Variants in NBR1 observed in about 807,000 individuals in gnomAD.
The protein encoded by NBR1 is NBR1 autophagy cargo receptor.
A neutral mutation model predicts 115.5 loss-of-function variants in NBR1; 59 were observed. The observed-to-expected ratio is 0.51, with a 90% CI of 0.41 to 0.63. The LOEUF is 0.63. Ranked by LOEUF, NBR1 falls within the 30% of genes least tolerant of loss-of-function variation. NBR1 has a pLI of 0.00. For missense variants in NBR1, 1,043 were observed against 1,150.5 expected (o/e 0.91, Z 1.35); for synonymous variants, 373 against 414.7 (o/e 0.90, Z 1.22).
chr17:43,199,136 C>G (rs1472518497), intron 16 of NBR1, among the ~76,000 whole-genome samples: 3 of 150,122 alleles, frequency 2.0e-5, no homozygotes, highest in African/African-American at 7.4e-5. Flanking sequence ...GGCTAAAGTG[C>G]GAGTAGCAAG....
chr17:43,191,623 G>A (rs2056949024), intron 10 of NBR1, 42 bp downstream of exon 10: 2 of 1,409,526 alleles, frequency 1.4e-6, no homozygotes, highest in Admixed American at 4.6e-5. Context: ...TTTAGGCCCA[G>A]CTCTCTGAAA....
At chr17:43,196,730 T>G (rs1328165388) in intron 15 of NBR1, 139 bp downstream of exon 15, 1 of 852,446 alleles carries the variant, frequency 1.2e-6, no homozygotes, top group African/African-American at 1.7e-5. Flanking sequence ...TGAAGTCTCC[T>G]CACCTTCACA....
At chr17:43,185,132 A>G (rs2056770431) in intron 5 of NBR1, among the ~76,000 whole-genome samples, 2 of 151,836 alleles carry the variant, frequency 1.3e-5, no homozygotes, top group African/African-American at 4.8e-5. Flanking sequence ...AACCCAGTTA[A>G]GGAGAATCTT....
intron 16 of NBR1, among the ~76,000 whole-genome samples, chr17:43,198,950 G>A (rs2057131161): frequency 6.6e-6 from 1 of 152,106 alleles, no homozygotes; most frequent in Admixed American, 6.6e-5. Flanking sequence ...GCAACAGAGT[G>A]AGACTCCATC....
chr17:43,198,856 G>T (rs370548636), intron 16 of NBR1, among the ~76,000 whole-genome samples: 1 of 151,104 alleles, frequency 6.6e-6, no homozygotes. Flanking sequence ...CCAGCTACTC[G>T]GGAGGCTGAG....
At chr17:43,190,325 G>C (rs560668687) in intron 8 of NBR1, 2 of 411,238 alleles carry the variant, frequency 4.9e-6, no homozygotes, top group Non-Finnish European at 9.1e-6. Context: ...CTTCTCCATG[G>C]CCTCCCAAAG....
intron 8 of NBR1, 188 bp downstream of exon 8, chr17:43,189,990 G>A: frequency 1.7e-6 from 1 of 597,542 alleles, no homozygotes; most frequent in Non-Finnish European, 2.9e-6. Context: ...TCAGATTGTT[G>A]TGTTCAAATG....
Position 43,193,635 on chromosome 17 carries a change from A to G in NBR1, c.1521A>G (p.Gln507=). The change falls in exon 12 of 21, where the codon CAA becomes CAG. Residue 507 remains glutamine (Q), a synonymous_variant. Transcript: ENST00000590996. ...AAACTGATGATCTCACCTGCCAGCA[A>G]GAGGTGAGCATTGACTGACAGGCTT... ...SSKTDDLTCQ[Q]EETFLLAKEE... is the part of the protein sequence containing the mutation. 3.1e-6 allele frequency: 5 copies of G among 1,605,958 alleles called. No individual in the cohort carries two copies. The highest frequency in any genetic ancestry group is 3.4e-6 in the Non-Finnish European group (4 of 1,175,872).
At chr17:43,174,551 T>C (rs1241371784) in intron 1 of NBR1, among the ~76,000 whole-genome samples, 2 of 152,068 alleles carry the variant, frequency 1.3e-5, no homozygotes, top group Non-Finnish European at 1.5e-5. Flanking sequence ...TGAGCCAAGA[T>C]TGTGCCACTG....
At chr17:43,196,456 T>C (rs760539342) in intron 14 of NBR1, 25 bp from the exon 15 acceptor site, 4 of 1,373,500 alleles carry the variant, frequency 2.9e-6, no homozygotes, top group Non-Finnish European at 4.0e-6. Context: ...TCTTGATTGA[T>C]GGTTCTCCTG....
intron 9 of NBR1, 135 bp from the exon 10 acceptor site, chr17:43,191,235 CAG>C: frequency 4.5e-6 from 3 of 663,846 alleles, no homozygotes; most frequent in Non-Finnish European, 7.9e-6. Context: ...GCCTACATGA[CAG>C]AGTGAGACCC....
At chr17:43,204,011 C>T (rs2057262378) in intron 20 of NBR1, among the ~76,000 whole-genome samples, 1 of 150,664 alleles carries the variant, frequency 6.6e-6, no homozygotes, top group African/African-American at 2.4e-5. Context: ...GATCTCGGCT[C>T]ACTGCAAGCT....
chr17:43,209,656 A>G, intron 20 of NBR1: 1 of 1,535,502 alleles, frequency 6.5e-7, no homozygotes, highest in Non-Finnish European at 8.7e-7. Context: ...ACAGTTCATT[A>G]GCTCCCCGGT....
At position 43,190,542 on chromosome 17, in the gene NBR1, C is replaced by T. The variant is rs752940622; in HGVS notation, c.696-67C>T. 9.9e-6 allele frequency: 15 copies of T among 1,515,506 alleles called. No individual in the cohort carries two copies. In the South Asian group the frequency reaches 1.1e-4, roughly 11 times the overall value. 93.9% of individuals were successfully genotyped at this position (1,515,506 alleles called of 1,614,324 possible). A position where few individuals can be genotyped will look rare whatever the true frequency, so the allele number is the denominator to read the frequency against. ...ACTGGAGCAAACATAGAAGTATGGT[C>T]TTATATCTCCCTACCCCAGGTACTT... On this transcript the variant is annotated intron_variant, in intron 8 of 20. Transcript: ENST00000590996.
intron 12 of NBR1, 76 bp downstream of exon 12, chr17:43,193,714 C>T (rs906685251): frequency 4.2e-6 from 6 of 1,445,246 alleles, no homozygotes; most frequent in Non-Finnish European, 5.5e-6. Flanking sequence ...CTAAAAGAAC[C>T]CACTCATAGC....
chr17:43,193,594 A>T lies in NBR1; in HGVS notation c.1480A>T (p.Met494Leu). ...GAGCCCTGATAACATTGAAAAGGGC[A>T]TGATCAGCTCAAGCAAAACTGATGA... The part of the protein sequence containing the change: ...EESPDNIEKG[M>L]ISSSKTDDLT... The change falls in exon 12 of 21, where the codon ATG (methionine) becomes TTG (leucine). Residue 494 changes from methionine to leucine, a missense_variant. Transcript: ENST00000590996. 6.2e-7 allele frequency: 1 copy of T among 1,611,792 alleles called. No individual in the cohort carries two copies. Among genetic ancestry groups the T allele is most frequent in the Non-Finnish European group, 8.5e-7 (1 of 1,178,970 alleles).
At chr17:43,203,609 G>C (rs1200367254) in intron 19 of NBR1, 72 bp from the exon 20 acceptor site, 2 of 906,492 alleles carry the variant, frequency 2.2e-6, no homozygotes, top group South Asian at 1.6e-5. Context: ...CCAAGGATTA[G>C]AGCCCAGATT....
chr17:43,189,965 GTA>G (rs1356015544), intron 8 of NBR1, 163 bp downstream of exon 8: 3 of 647,580 alleles, frequency 4.6e-6, no homozygotes, highest in Non-Finnish European at 8.1e-6. Context: ...CACATGCTTT[GTA>G]TGTTGTAACT....
intron 20 of NBR1, among the ~76,000 whole-genome samples, chr17:43,206,748 GAGAT>G (rs1159471878): frequency 6.6e-6 from 1 of 151,960 alleles, no homozygotes; most frequent in East Asian, 1.9e-4. Context: ...GCATAACTTT[GAGAT>G]GATGATTAAG....
Sources: gnomAD v4.1 joint callset for allele counts (sites outside exome capture counted in the v4.1 genomes callset) on GRCh38, gnomAD v4.1.1 for gene constraint, MANE v1.5 for transcripts, NCBI Gene and HGNC (gene_info 2026-07-23, HGNC 2026-07-21) for gene names.